Variants in GRIA2 observed in about 807,000 individuals in gnomAD.
GRIA2 encodes the protein glutamate receptor 2.
GRIA2 carries 14 observed loss-of-function variants against 97.3 expected under a neutral mutation model. The observed-to-expected ratio is 0.14, with a 90% CI of 0.10 to 0.23. The LOEUF (loss-of-function observed/expected upper bound fraction) is 0.23, where lower values mean the gene tolerates loss of function less well. Ranked by LOEUF, GRIA2 falls within the 10% of genes least tolerant of loss-of-function variation. The pLI, the probability that GRIA2 is intolerant of heterozygous loss-of-function variation, is 1.00. For missense variants in GRIA2, 558 were observed against 1,069.8 expected (o/e 0.52, Z 6.67); for synonymous variants, 412 against 387.8 (o/e 1.06, Z -0.73).
At chr4:157,241,573 T>G (rs1229018423) in intron 2 of GRIA2, among the ~76,000 whole-genome samples, 2 of 152,088 alleles carry the variant, frequency 1.3e-5, no homozygotes, top group Admixed American at 1.3e-4. Context: ...ACAAAAAAGA[T>G]CATACATCCT....
Position 157,362,353 on chromosome 4 carries a change from A to G in GRIA2, c.2407-446A>G, listed in dbSNP as rs143454151. The G allele has an allele frequency of 2.1e-4, 97 of 456,274 alleles. 1 individual carries two copies. Among genetic ancestry groups the G allele is most frequent in the African/African-American group, 1.8e-3 (90 of 50,190 alleles). 28.3% of individuals were successfully genotyped at this position (456,274 alleles called of 1,614,324 possible). A position where few individuals can be genotyped will look rare whatever the true frequency, so the allele number is the denominator to read the frequency against. On this transcript the variant is annotated intron_variant, in intron 14 of 15. Transcript: ENST00000264426. Reference sequence around the variant, plus strand: ...CCTCCATTTATGACTCTACTAAGCCAGTAACATGGTCAACATTTAAAACTT... The same window carrying G: ...CCTCCATTTATGACTCTACTAAGCCGGTAACATGGTCAACATTTAAAACTT...
intron 2 of GRIA2, 58 bp downstream of exon 2, chr4:157,221,865 A>AGT (rs1322342681): frequency 6.6e-7 from 1 of 1,520,834 alleles, no homozygotes; most frequent in Non-Finnish European, 9.1e-7. Context: ...AGCGAGTGTG[A>AGT]GTGTGTGTGT....
At chr4:157,340,793 CTGAT>C (rs1479873789) in intron 11 of GRIA2, among the ~76,000 whole-genome samples, 2 of 151,844 alleles carry the variant, frequency 1.3e-5, no homozygotes, top group East Asian at 3.9e-4. Flanking sequence ...TGGAAATTCA[CTGAT>C]TGAATTAAAG....
intron 2 of GRIA2, among the ~76,000 whole-genome samples, chr4:157,280,664 G>T (rs386480928): frequency 7.2e-5 from 11 of 151,980 alleles, no homozygotes; most frequent in Non-Finnish European, 1.5e-4. Context: ...AAGAAGGCTA[G>T]ACTCGACTTC....
At chr4:157,355,973 A>ATTTT (rs1736318036) in intron 12 of GRIA2, among the ~76,000 whole-genome samples, 1 of 42,252 alleles carries the variant, frequency 2.4e-5, no homozygotes, top group Non-Finnish European at 3.5e-5. Context: ...GTATATTAAT[A>ATTTT]TATATATTTA....
intron 2 of GRIA2, among the ~76,000 whole-genome samples, chr4:157,226,525 G>A (rs1489641155): frequency 1.3e-5 from 2 of 151,880 alleles, no homozygotes; most frequent in Admixed American, 6.6e-5. Context: ...TTTTAATCTC[G>A]ATTCCCCAGC....
chr4:157,248,867 ACT>A (rs201782982), intron 2 of GRIA2, among the ~76,000 whole-genome samples: 11,001 of 149,136 alleles, frequency 0.074, 507 homozygotes, highest in Non-Finnish European at 0.1. Flanking sequence ...AGACAGGGTC[ACT>A]CTCTGTCACC....
chr4:157,320,791 A>G (rs1734526353), intron 5 of GRIA2, among the ~76,000 whole-genome samples: 1 of 152,168 alleles, frequency 6.6e-6, no homozygotes, highest in Non-Finnish European at 1.5e-5. Flanking sequence ...AGTTGATAAA[A>G]TTCATGTCAG....
intron 12 of GRIA2, among the ~76,000 whole-genome samples, chr4:157,354,143 GGAATGTCGAGA>G (rs201382303): frequency 0.013 from 1,988 of 152,210 alleles, 19 homozygotes; most frequent in Non-Finnish European, 0.02. Context: ...AATGTGCAAA[GGAATGTCGAGA>G]GAAATATTTT....
At chr4:157,326,710 A>G (rs1036603858) in intron 6 of GRIA2, among the ~76,000 whole-genome samples, 1 of 152,226 alleles carries the variant, frequency 6.6e-6, no homozygotes. Context: ...AAATATTTCC[A>G]TAAGGCTTTA....
intron 2 of GRIA2, among the ~76,000 whole-genome samples, chr4:157,297,642 C>T (rs2126851635): frequency 6.6e-6 from 1 of 152,206 alleles, no homozygotes; most frequent in South Asian, 2.1e-4. Flanking sequence ...CTTTTAGCCC[C>T]TAGAGCTGCT....
chr4:157,262,388 T>C (rs977438133), intron 2 of GRIA2, among the ~76,000 whole-genome samples: 1 of 152,034 alleles, frequency 6.6e-6, no homozygotes, highest in Non-Finnish European at 1.5e-5. Flanking sequence ...TTTTGCTGGA[T>C]GGGCTCTAAC....
chr4:157,278,851 T>TA (rs1732467214), intron 2 of GRIA2, among the ~76,000 whole-genome samples: 1 of 151,892 alleles, frequency 6.6e-6, no homozygotes, highest in African/African-American at 2.4e-5. Flanking sequence ...ATACTGAAGA[T>TA]ATACTGCAAA....
At chr4:157,304,086 G>T (rs1733734818) in intron 3 of GRIA2, among the ~76,000 whole-genome samples, 1 of 152,172 alleles carries the variant, frequency 6.6e-6, no homozygotes, top group Admixed American at 6.5e-5. Context: ...GCAGCTAAAA[G>T]TCTATGACAG....
intron 3 of GRIA2, among the ~76,000 whole-genome samples, chr4:157,305,906 G>A (rs1246634832): frequency 6.6e-6 from 1 of 152,032 alleles, no homozygotes; most frequent in African/African-American, 2.4e-5. Flanking sequence ...TAAGCTCCAG[G>A]AAAAGAGTGC....
At chr4:157,302,239 G>A (rs936414326) in intron 2 of GRIA2, among the ~76,000 whole-genome samples, 6 of 151,678 alleles carry the variant, frequency 4.0e-5, no homozygotes, top group South Asian at 4.2e-4. Context: ...ACTGTTCTGC[G>A]GATCGTCAGT....
chr4:157,232,796 C>T, intron 2 of GRIA2, among the ~76,000 whole-genome samples: 1 of 152,066 alleles, frequency 6.6e-6, no homozygotes, highest in Non-Finnish European at 1.5e-5. Flanking sequence ...TAGTTTGTAG[C>T]CTTGGTGTCT....
chr4:157,255,532 A>G (rs1731203305), intron 2 of GRIA2, among the ~76,000 whole-genome samples: 1 of 152,036 alleles, frequency 6.6e-6, no homozygotes, highest in Admixed American at 6.6e-5. Flanking sequence ...AACAGTGTAT[A>G]AGCATTCCCT....
intron 4 of GRIA2, among the ~76,000 whole-genome samples, chr4:157,316,206 C>T (rs1292153848): frequency 6.6e-6 from 1 of 152,152 alleles, no homozygotes; most frequent in African/African-American, 2.4e-5. Context: ...CATAATCAAT[C>T]TGATTCAGCT....
Sources: gnomAD v4.1 joint callset for allele counts (sites outside exome capture counted in the v4.1 genomes callset) on GRCh38, gnomAD v4.1.1 for gene constraint, MANE v1.5 for transcripts, NCBI Gene and HGNC (gene_info 2026-07-23, HGNC 2026-07-21) for gene names.